GUCA1C: variants seen among roughly 807,000 people sequenced by gnomAD.
GUCA1C encodes guanylyl cyclase-activating protein 3.
In GUCA1C, 15 loss-of-function variants were observed where a neutral mutation model predicts 16.2. That is an observed-to-expected ratio of 0.93 (90% CI 0.62 to 1.43). The LOEUF (loss-of-function observed/expected upper bound fraction) is 1.43, where lower values mean the gene tolerates loss of function less well. Among genes scored for constraint, GUCA1C ranks in the 40% most tolerant of loss-of-function variants. The probability of loss-of-function intolerance (pLI) is 0.00; values close to 1 mark genes in which losing one functional copy is unlikely to be tolerated. For missense variants in GUCA1C, 275 were observed against 244.8 expected (o/e 1.12, Z -0.82); for synonymous variants, 78 against 85.4 (o/e 0.91, Z 0.48).
chr3:108,927,433 T>A (rs1351325853), intron 1 of GUCA1C, among the ~76,000 whole-genome samples: 2 of 54,700 alleles, frequency 3.7e-5, no homozygotes, highest in Non-Finnish European at 7.8e-5. Flanking sequence ...TTTTTAATTC[T>A]TTTTTTTTTT....
intron 1 of GUCA1C, among the ~76,000 whole-genome samples, chr3:108,927,000 C>G (rs1379417134): frequency 6.6e-6 from 1 of 152,116 alleles, no homozygotes; most frequent in African/African-American, 2.4e-5. Context: ...CTCGGTTTCA[C>G]TGGATACAAA....
At chr3:108,954,474 GT>G (rs1380721461), upstream of GUCA1C, among the ~76,000 whole-genome samples, 2 of 151,824 alleles carry the variant, frequency 1.3e-5, no homozygotes, top group Admixed American at 1.3e-4. Context: ...CCTTTTTCTG[GT>G]CTCTCAAGTA....
At chr3:108,916,915 T>C (rs568762376) in intron 2 of GUCA1C, among the ~76,000 whole-genome samples, 1 of 152,358 alleles carries the variant, frequency 6.6e-6, no homozygotes, top group South Asian at 2.1e-4. Context: ...ACTATCTTGA[T>C]TGAACATGAA....
intron 1 of GUCA1C, among the ~76,000 whole-genome samples, chr3:108,953,134 A>G (rs1946913506): frequency 6.6e-6 from 1 of 152,212 alleles, no homozygotes; most frequent in Non-Finnish European, 1.5e-5. Flanking sequence ...TGTATTGATT[A>G]TATCTGCCAA....
At chr3:108,954,066 C>T (rs1010682706), upstream of GUCA1C, among the ~76,000 whole-genome samples, 1 of 152,118 alleles carries the variant, frequency 6.6e-6, no homozygotes. Flanking sequence ...TATTGTTAGC[C>T]ATAAATTTTG....
At chr3:108,926,696 G>A (rs527267886) in intron 1 of GUCA1C, among the ~76,000 whole-genome samples, 1 of 151,894 alleles carries the variant, frequency 6.6e-6, no homozygotes, top group Admixed American at 6.6e-5. Flanking sequence ...TAGCTAGGAT[G>A]GTCTCGATCT....
intron 3 of GUCA1C, among the ~76,000 whole-genome samples, chr3:108,909,854 G>A (rs1946431094): frequency 6.6e-6 from 1 of 151,968 alleles, no homozygotes; most frequent in Non-Finnish European, 1.5e-5. Context: ...TCTACCTATA[G>A]TAACATGTTT....
intron 1 of GUCA1C, among the ~76,000 whole-genome samples, chr3:108,929,571 A>G (rs576862510): frequency 2.2e-4 from 33 of 152,290 alleles, no homozygotes; most frequent in Non-Finnish European, 4.1e-4. Flanking sequence ...CATTAAGTAT[A>G]AGGCTTACTG....
rs77553143 is a variant in GUCA1C at position 108,953,224 on chromosome 3, C to T, written c.204+335G>A. Among the ~76,000 whole-genome samples the T allele has an allele frequency of 8.2e-3, 1,250 of 152,170 alleles. 17 individuals carry two copies. Among genetic ancestry groups the T allele is most frequent in the African/African-American group, 0.028 (1,165 of 41,512 alleles). On this transcript the variant is annotated intron_variant, in intron 1 of 3. Coordinates refer to ENST00000261047, the MANE Select transcript of GUCA1C (RefSeq NM_005459.4). ...AATGTCACCAATGCATTAAATACTT[C>T]GAAAACAGTCTTTGTAAATCAATCT...
At chr3:108,922,616 C>T (rs1455399519) in intron 1 of GUCA1C, among the ~76,000 whole-genome samples, 1 of 152,064 alleles carries the variant, frequency 6.6e-6, no homozygotes, top group Non-Finnish European at 1.5e-5. Context: ...TTTCCATATG[C>T]TTGTTGGCCA....
chr3:108,946,435 C>T (rs1313036925), intron 1 of GUCA1C, among the ~76,000 whole-genome samples: 1 of 152,132 alleles, frequency 6.6e-6, no homozygotes, highest in Non-Finnish European at 1.5e-5. Context: ...CATGCACAGC[C>T]TATGGTACAT....
At chr3:108,945,389 G>A (rs1946834277) in intron 1 of GUCA1C, among the ~76,000 whole-genome samples, 1 of 152,174 alleles carries the variant, frequency 6.6e-6, no homozygotes. Flanking sequence ...ACCTGGTTTA[G>A]GTGTAACACT....
At chr3:108,941,979 C>T (rs970120288) in intron 1 of GUCA1C, among the ~76,000 whole-genome samples, 1 of 152,156 alleles carries the variant, frequency 6.6e-6, no homozygotes, top group Non-Finnish European at 1.5e-5. Context: ...ATGCCATCTC[C>T]CTCTTCCCTC....
intron 3 of GUCA1C, among the ~76,000 whole-genome samples, chr3:108,911,695 AC>A (rs1299336366): frequency 6.6e-6 from 1 of 152,086 alleles, no homozygotes; most frequent in Non-Finnish European, 1.5e-5. Flanking sequence ...ATTCAATGTG[AC>A]CCTCGTGGCT....
intron 1 of GUCA1C, among the ~76,000 whole-genome samples, chr3:108,950,949 A>C (rs1256428608): frequency 6.6e-6 from 1 of 152,226 alleles, no homozygotes; most frequent in African/African-American, 2.4e-5. Flanking sequence ...TGCTGTTCAT[A>C]ATAATGACCC....
chr3:108,909,513 A>G (rs1213548637), intron 3 of GUCA1C, among the ~76,000 whole-genome samples: 2 of 152,174 alleles, frequency 1.3e-5, no homozygotes, highest in Non-Finnish European at 2.9e-5. Context: ...CAAATTCCCA[A>G]CCCCAAAGAC....
rs575804325 is a variant in GUCA1C at position 108,943,613 on chromosome 3, T to C, written c.204+9946A>G. 2.6e-5 allele frequency among the ~76,000 whole-genome samples: 4 copies of C among 152,288 alleles called. No individual in the cohort carries two copies. In the South Asian group the frequency reaches 8.3e-4, roughly 32 times the overall value. On this transcript the variant is annotated intron_variant, in intron 1 of 3. Transcript: ENST00000261047. ...ATGCACATTTGGGGTTTACATGCAA[T>C]CCTGGAGAGTGGCGGGAGAGCCCTC...
At chr3:108,932,323 CAA>C (rs71106610) in intron 1 of GUCA1C, among the ~76,000 whole-genome samples, 285 of 102,046 alleles carry the variant, frequency 2.8e-3, no homozygotes, top group African/African-American at 0.01. Context: ...GACCTCCCAC[CAA>C]AAAAAAAAAA....
chr3:108,909,578 G>C (rs1946426886), intron 3 of GUCA1C, among the ~76,000 whole-genome samples: 1 of 152,180 alleles, frequency 6.6e-6, no homozygotes, highest in Admixed American at 6.5e-5. Context: ...AGTGGAGCTG[G>C]AGACAGTTTT....
Sources: gnomAD v4.1 joint callset for allele counts (sites outside exome capture counted in the v4.1 genomes callset) on GRCh38, gnomAD v4.1.1 for gene constraint, MANE v1.5 for transcripts, NCBI Gene and HGNC (gene_info 2026-07-23, HGNC 2026-07-21) for gene names.